The following SOX6 variants were observed in gnomAD, a reference collection of about 807,000 sequenced individuals.
SOX6 encodes the protein SRY-box transcription factor 6.
SOX6 carries 11 observed loss-of-function variants against 97.8 expected under a neutral mutation model. That is an observed-to-expected ratio of 0.11 (90% CI 0.07 to 0.19). The LOEUF is 0.19. Ranked by LOEUF, SOX6 falls within the 10% of genes least tolerant of loss-of-function variation. The probability of loss-of-function intolerance (pLI) is 1.00; values close to 1 mark genes in which losing one functional copy is unlikely to be tolerated. For missense variants in SOX6, 810 were observed against 1,039.5 expected (o/e 0.78, Z 3.04); for synonymous variants, 360 against 371.4 (o/e 0.97, Z 0.35).
In SOX6 at chr11:16,723,179, T is replaced by A. The variant is rs186361083; in HGVS notation, n.354-8274A>T. 9.0e-4 allele frequency among the ~76,000 whole-genome samples: 137 copies of A among 152,256 alleles called. 1 individual carries two copies. Among genetic ancestry groups the A allele is most frequent in the Non-Finnish European group, 1.6e-3 (108 of 67,998 alleles). Reference sequence around the variant, plus strand: ...GATGAGATCATGTCTTCTGCAGGAATATGAATAGAGCTGAAGGCCATTATC... The same window carrying A: ...GATGAGATCATGTCTTCTGCAGGAAAATGAATAGAGCTGAAGGCCATTATC... On this transcript the variant is annotated intron_variant and non_coding_transcript_variant, in intron 2 of 5. Transcript: ENST00000524520.
rs558483715 is a variant in SOX6 at position 16,605,018 on chromosome 11, C to T, written n.609+7063G>A. 2.7e-4 allele frequency among the ~76,000 whole-genome samples: 41 copies of T among 152,248 alleles called. No homozygotes were observed. The highest frequency in any genetic ancestry group is 5.1e-4 in the Non-Finnish European group (35 of 68,008). On this transcript the variant is annotated intron_variant and non_coding_transcript_variant, in intron 4 of 5. Coordinates refer to the SOX6 transcript ENST00000524520. The surrounding 1 kb of genome is among the most constrained non-coding windows in gnomAD (Gnocchi z 5.3). Reference sequence around the variant, plus strand: ...CAGCAGCCTTTGCACAAGCCCTTTCCCTTCTCTGCCCGGCCCTTTAAGGGA... The same window carrying T: ...CAGCAGCCTTTGCACAAGCCCTTTCTCTTCTCTGCCCGGCCCTTTAAGGGA...
At position 16,603,913 on chromosome 11, in the gene SOX6, C is replaced by T. The variant is rs529356028; in HGVS notation, n.609+8168G>A. Among the ~76,000 whole-genome samples the T allele has an allele frequency of 1.1e-4, 16 of 152,352 alleles. No individual in the cohort carries two copies. The South Asian group carries it at 3.1e-3, about 30-fold the overall frequency. On this transcript the variant is annotated intron_variant and non_coding_transcript_variant, in intron 4 of 5. Coordinates refer to the SOX6 transcript ENST00000524520. Reference sequence around the variant, plus strand: ...TGCCCTGGCAGGTTCGGCCCTCCCTCGGGAATCCTGGAACCCAGAACAGAG... The same window carrying T: ...TGCCCTGGCAGGTTCGGCCCTCCCTTGGGAATCCTGGAACCCAGAACAGAG...
intron 1 of SOX6, among the ~76,000 whole-genome samples, chr11:16,436,608 G>A (rs997285878): frequency 4.6e-5 from 7 of 152,004 alleles, no homozygotes; most frequent in African/African-American, 9.7e-5. Context: ...CCACCAACTC[G>A]GCAACTTCAG....
intron 13 of SOX6, among the ~76,000 whole-genome samples, chr11:16,007,022 G>C (rs1390460511): frequency 6.6e-6 from 1 of 151,478 alleles, no homozygotes; most frequent in Non-Finnish European, 1.5e-5. Flanking sequence ...AGTGAGTGCA[G>C]GCAGTGATAG....
intron 3 of SOX6, among the ~76,000 whole-genome samples, chr11:16,640,975 T>C (rs1053573633): frequency 4.6e-5 from 7 of 152,216 alleles, no homozygotes; most frequent in African/African-American, 1.7e-4. Context: ...TTGTTCTTGC[T>C]TCTCTAGTTC....
intron 6 of SOX6, among the ~76,000 whole-genome samples, chr11:16,137,899 C>A (rs1488074027): frequency 6.6e-6 from 1 of 152,148 alleles, no homozygotes; most frequent in Non-Finnish European, 1.5e-5. Flanking sequence ...TCCTGCCACC[C>A]TGTGAAGATG....
At chr11:16,715,209 C>T (rs537915622) in intron 2 of SOX6, among the ~76,000 whole-genome samples, 4 of 152,120 alleles carry the variant, frequency 2.6e-5, no homozygotes, top group South Asian at 2.1e-4. Context: ...AAGTACCCAC[C>T]GGATTTTTGA....
chr11:16,173,820 A>G (rs1851106840), intron 6 of SOX6, among the ~76,000 whole-genome samples: 1 of 150,848 alleles, frequency 6.6e-6, no homozygotes, highest in Non-Finnish European at 1.5e-5. Context: ...TATATTAAAA[A>G]AGTTGAAATT....
At chr11:16,578,936 A>G (rs541181404) in intron 4 of SOX6, among the ~76,000 whole-genome samples, 1 of 152,252 alleles carries the variant, frequency 6.6e-6, no homozygotes, top group South Asian at 2.1e-4. Context: ...TTTCCAAAAT[A>G]GCTGAAAAAA....
intron 15 of SOX6, among the ~76,000 whole-genome samples, chr11:15,981,710 G>C (rs971143233): frequency 6.6e-6 from 1 of 151,996 alleles, no homozygotes; most frequent in Non-Finnish European, 1.5e-5. Flanking sequence ...AAATAGGATT[G>C]ATTCGACCTC....
intron 1 of SOX6, among the ~76,000 whole-genome samples, chr11:16,418,585 G>T (rs2133062832): frequency 6.6e-6 from 1 of 152,192 alleles, no homozygotes; most frequent in South Asian, 2.1e-4. Context: ...ATCTGGCAGA[G>T]TTCCCCACAT....
intron 4 of SOX6, among the ~76,000 whole-genome samples, chr11:16,557,127 C>T (rs1218434773): frequency 6.6e-6 from 1 of 151,738 alleles, no homozygotes; most frequent in African/African-American, 2.4e-5. Flanking sequence ...AAAATTTCAT[C>T]TCTCCACCCT....
At chr11:16,315,739 A>C (rs946539015) in intron 3 of SOX6, 3 of 152,126 alleles carry the variant, frequency 2.0e-5, no homozygotes, top group African/African-American at 4.8e-5. Context: ...GTATAAACCC[A>C]ATCCCTCCTC....
intron 9 of SOX6, among the ~76,000 whole-genome samples, chr11:16,087,966 T>C (rs116740799): frequency 2.0e-3 from 292 of 149,410 alleles, no homozygotes; most frequent in African/African-American, 6.9e-3. Context: ...CCTCTAGACA[T>C]TGTCAACCAC....
At chr11:16,176,115 CAG>C (rs143702999) in intron 6 of SOX6, among the ~76,000 whole-genome samples, 327 of 139,484 alleles carry the variant, frequency 2.3e-3, no homozygotes, top group Middle Eastern at 3.7e-3. Flanking sequence ...ATGGATGAGA[CAG>C]AGAGAGAGAG....
intron 3 of SOX6, among the ~76,000 whole-genome samples, chr11:16,683,324 A>C (rs1564868286): frequency 6.6e-6 from 1 of 152,216 alleles, no homozygotes; most frequent in Non-Finnish European, 1.5e-5. Flanking sequence ...ATGCTACCTG[A>C]CTTCAAACTA....
chr11:16,045,175 A>G (rs1345499667), intron 12 of SOX6, among the ~76,000 whole-genome samples: 1 of 152,180 alleles, frequency 6.6e-6, no homozygotes, highest in Non-Finnish European at 1.5e-5. Flanking sequence ...GAACTTCAAC[A>G]GATAATACAA....
intron 2 of SOX6, among the ~76,000 whole-genome samples, chr11:16,326,437 C>T (rs535983299): frequency 2.6e-5 from 4 of 151,850 alleles, no homozygotes; most frequent in East Asian, 1.9e-4. Context: ...TAGGCAGGAC[C>T]GGTAAAAATC....
chr11:16,542,029 G>A (rs1861417318), intron 4 of SOX6, among the ~76,000 whole-genome samples: 1 of 152,146 alleles, frequency 6.6e-6, no homozygotes, highest in Admixed American at 6.6e-5. Flanking sequence ...GTTTATTGTG[G>A]CACTATTCAC....
Sources: allele counts gnomAD v4.1 joint callset (sites outside exome capture counted in the v4.1 genomes callset), GRCh38; gene constraint gnomAD v4.1.1; non-coding constraint Gnocchi (gnomAD v3.1); transcripts MANE v1.5; gene names NCBI Gene and HGNC (gene_info 2026-07-23, HGNC 2026-07-21).